The following SDK1 variants were observed in gnomAD, a reference collection of about 807,000 sequenced individuals.
SDK1 encodes the protein sidekick cell adhesion molecule 1, also known as protein sidekick-1.
SDK1 carries 157 observed loss-of-function variants against 245.5 expected under a neutral mutation model. The observed-to-expected ratio is 0.64, with a 90% CI of 0.56 to 0.73. SDK1 has a LOEUF of 0.73. Among genes scored for constraint, SDK1 ranks in the 30% least tolerant of loss-of-function variants. The pLI is 0.00. For synonymous variants in SDK1, 1,647 were observed against 1,278.5 expected, an observed-to-expected ratio of 1.29 and a Z score of -6.15; for missense variants, 3,583 against 3,002.3, an observed-to-expected ratio of 1.19 and a Z score of -4.52.
intron 1 of SDK1, among the ~76,000 whole-genome samples, chr7:3,539,239 A>G (rs1778984434): frequency 6.6e-6 from 1 of 152,176 alleles, no homozygotes; most frequent in Admixed American, 6.5e-5. Context: ...GAGCATGGCT[A>G]TAAATACTTT....
At chr7:4,006,501 C>T (rs1241930792) in intron 14 of SDK1, among the ~76,000 whole-genome samples, 1 of 152,154 alleles carries the variant, frequency 6.6e-6, no homozygotes, top group Admixed American at 6.5e-5. Flanking sequence ...AGGGATGTTG[C>T]TTATTGATTG....
chr7:3,908,751 T>C (rs961525161), intron 5 of SDK1, among the ~76,000 whole-genome samples: 2 of 152,208 alleles, frequency 1.3e-5, no homozygotes, highest in Non-Finnish European at 1.5e-5. Context: ...AAATTTATTT[T>C]CCCTGTGTCT....
chr7:4,129,175 C>G (rs1340038825), intron 26 of SDK1, among the ~76,000 whole-genome samples: 175 of 57,814 alleles, frequency 3.0e-3, no homozygotes, highest in Admixed American at 5.3e-3. Context: ...GAGGAGAGCA[C>G]CTTGGGGTAG....
intron 1 of SDK1, among the ~76,000 whole-genome samples, chr7:3,565,997 C>T (rs531760918): frequency 3.9e-5 from 6 of 152,010 alleles, no homozygotes; most frequent in South Asian, 4.2e-4. Context: ...ACATAAGATA[C>T]GACTTACAGC....
At chr7:3,779,776 C>CA (rs1780673196) in intron 4 of SDK1, among the ~76,000 whole-genome samples, 1 of 151,188 alleles carries the variant, frequency 6.6e-6, no homozygotes, top group South Asian at 2.1e-4. Flanking sequence ...ACTGGAAATA[C>CA]AAAAAATTAG....
At chr7:3,729,053 G>A (rs565578385) in intron 4 of SDK1, among the ~76,000 whole-genome samples, 1 of 152,334 alleles carries the variant, frequency 6.6e-6, no homozygotes, top group South Asian at 2.1e-4. Context: ...CTGATTGTGT[G>A]AAATCCGGCT....
intron 1 of SDK1, among the ~76,000 whole-genome samples, chr7:3,369,407 C>G (rs923337877): frequency 3.3e-5 from 5 of 152,154 alleles, no homozygotes; most frequent in Non-Finnish European, 7.3e-5. Flanking sequence ...TTTTGTTCTA[C>G]AATGACAGAG....
chr7:3,339,113 A>T (rs568714074), intron 1 of SDK1, among the ~76,000 whole-genome samples: 1 of 152,194 alleles, frequency 6.6e-6, no homozygotes, highest in Admixed American at 6.5e-5. Flanking sequence ...ATGGAAAAAG[A>T]TATGCCATAC....
chr7:3,465,404 C>T (rs574729303), intron 1 of SDK1, among the ~76,000 whole-genome samples: 2 of 152,206 alleles, frequency 1.3e-5, no homozygotes, highest in East Asian at 1.9e-4. Context: ...TAATGAGTAA[C>T]GTCAGCATAA....
At chr7:3,402,673 C>A (rs902456202) in intron 1 of SDK1, among the ~76,000 whole-genome samples, 17 of 151,938 alleles carry the variant, frequency 1.1e-4, no homozygotes, top group Non-Finnish European at 2.9e-5. Flanking sequence ...GTGTTTAAAT[C>A]AAAAAGTTGT....
At chr7:3,337,553 C>T (rs372831290) in intron 1 of SDK1, among the ~76,000 whole-genome samples, 1 of 152,144 alleles carries the variant, frequency 6.6e-6, no homozygotes, top group African/African-American at 2.4e-5. Context: ...TGAGTGAGCC[C>T]CAGACAGGAT....
intron 5 of SDK1, among the ~76,000 whole-genome samples, chr7:3,855,504 G>C (rs897288510): frequency 7.2e-5 from 11 of 152,062 alleles, no homozygotes; most frequent in African/African-American, 2.7e-4. Context: ...TTCAACTTGA[G>C]AACAAGCTTA....
In SDK1 at chr7:4,017,348, G is replaced by T. The variant is rs761284922; in HGVS notation, c.2598G>T (p.Gln866His). The T allele has an allele frequency of 1.2e-6, 2 of 1,608,446 alleles. No individual in the cohort carries two copies. The highest frequency in any genetic ancestry group is 2.2e-5 in the East Asian group (1 of 44,772). Residue 866 changes from glutamine to histidine, a missense_variant, in exon 17 of 45, where the codon CAG becomes CAT. Gln to His is a conservative substitution (Grantham distance 24). Transcript: ENST00000404826. ...GGGCAGTGACCGAGTACACCTTGCAGGGAGGTAAGCTTGTCTCCAAAACCA... is the reference window on the plus strand; with the variant it reads ...GGGCAGTGACCGAGTACACCTTGCATGGAGGTAAGCTTGTCTCCAAAACCA... ...FSRAVTEYTL[Q>H]GVPTAPPQNV...
chr7:3,614,967 T>C (rs1781721684), intron 1 of SDK1, among the ~76,000 whole-genome samples: 1 of 151,500 alleles, frequency 6.6e-6, no homozygotes, highest in African/African-American at 2.4e-5. Context: ...TTGTACATGG[T>C]ATAGGCATGT....
At chr7:3,542,611 CATT>C (rs1168364610) in intron 1 of SDK1, among the ~76,000 whole-genome samples, 2 of 152,090 alleles carry the variant, frequency 1.3e-5, no homozygotes, top group South Asian at 2.1e-4. Flanking sequence ...TAATCAATAA[CATT>C]ATTAAAATAA....
At chr7:3,617,037 A>G (rs1050845055) in intron 1 of SDK1, among the ~76,000 whole-genome samples, 15 of 152,206 alleles carry the variant, frequency 9.9e-5, no homozygotes, top group African/African-American at 3.6e-4. Flanking sequence ...CTGACTGGGT[A>G]GCATTGAGCA....
rs928670296 is a variant in SDK1 at position 3,467,415 on chromosome 7, C to A, written c.299-151665C>A. 1.7e-4 allele frequency among the ~76,000 whole-genome samples: 26 copies of A among 151,318 alleles called. 1 individual carries two copies. The highest frequency in any genetic ancestry group is 4.4e-5 in the Non-Finnish European group (3 of 67,778). On this transcript the variant is annotated intron_variant, in intron 1 of 44. Coordinates refer to ENST00000404826, the MANE Select transcript of SDK1 (RefSeq NM_152744.4). ...TTTGGTATATGTAGAAATATAAAAC[C>A]AAAAATGTATAGTATAAAAATAAAA... is the stretch of plus-strand genomic sequence containing the variant.
At chr7:4,186,039 G>C (rs1782878154) in intron 35 of SDK1, among the ~76,000 whole-genome samples, 1 of 152,216 alleles carries the variant, frequency 6.6e-6, no homozygotes, top group African/African-American at 2.4e-5. Context: ...GCCCGGCCCA[G>C]CTCTCCTGTT....
intron 5 of SDK1, among the ~76,000 whole-genome samples, chr7:3,903,552 A>G (rs1781864903): frequency 6.6e-6 from 1 of 152,168 alleles, no homozygotes; most frequent in Admixed American, 6.5e-5. Flanking sequence ...CTGCTGTGGA[A>G]AAGAGTTTGG....
Sources: gnomAD v4.1 joint callset for allele counts (sites outside exome capture counted in the v4.1 genomes callset) on GRCh38, gnomAD v4.1.1 for gene constraint, MANE v1.5 for transcripts, NCBI Gene and HGNC (gene_info 2026-07-23, HGNC 2026-07-21) for gene names.